ZNF500: variants seen among roughly 807,000 people sequenced by gnomAD.
ZNF500 encodes zinc finger protein with KRAB and SCAN domains 18.
Under a neutral mutation model 30.1 loss-of-function variants are expected in ZNF500, and 31 were observed. That is an observed-to-expected ratio of 1.03 (90% confidence interval 0.77 to 1.39). The LOEUF is 1.39. ZNF500 is among the 40% of genes most tolerant of loss of function. The pLI is 0.00. For synonymous variants in ZNF500, 392 were observed against 282.0 expected (o/e 1.39, Z -3.91); for missense variants, 817 against 657.8 (o/e 1.24, Z -2.65).
chr16:4,752,361 T>A lies in ZNF500; in HGVS notation c.*15A>T. 6.8e-7 allele frequency: 1 copy of A among 1,469,056 alleles called. No individual in the cohort carries two copies. The highest frequency in any genetic ancestry group is 9.0e-7 in the Non-Finnish European group (1 of 1,113,528). The allele number at this position is 1,469,056 out of a possible 1,614,324, so 91.0% of individuals were successfully genotyped here. ...AGGGATGAGAGTCCTGGAAAGGGAG[T>A]TTCAGGCCTGGTGATCAGGCTTTGG... On this transcript the variant is annotated 3_prime_UTR_variant, in exon 6 of 6. Transcript: ENST00000219478.
At chr16:4,761,815 C>T (rs896009270) in intron 4 of ZNF500, among the ~76,000 whole-genome samples, 14 of 152,086 alleles carry the variant, frequency 9.2e-5, no homozygotes, top group African/African-American at 3.4e-4. Flanking sequence ...TGTAATCACA[C>T]TACTGCACTC....
chr16:4,751,505 C>T lies in ZNF500; in HGVS notation c.*871G>A. On this transcript the variant is annotated 3_prime_UTR_variant, in exon 6 of 6. Transcript: ENST00000219478. Reference sequence around the variant, plus strand: ...AGCAGCTATGGATCTGCAAAGGGGACTGGAATGCTGCAGAGCCCCGGGCTC... The same window carrying T: ...AGCAGCTATGGATCTGCAAAGGGGATTGGAATGCTGCAGAGCCCCGGGCTC... 3 of 1,446,362 alleles carry T rather than the reference C, an allele frequency of 2.1e-6. No homozygotes were observed. Among genetic ancestry groups the T allele is most frequent in the Non-Finnish European group, 9.2e-7 (1 of 1,084,468 alleles). The allele number at this position is 1,446,362 out of a possible 1,614,324, so 89.6% of individuals were successfully genotyped here.
At chr16:4,759,443 C>T (rs1002255392) in intron 5 of ZNF500, among the ~76,000 whole-genome samples, 8 of 152,122 alleles carry the variant, frequency 5.3e-5, no homozygotes, top group Non-Finnish European at 5.9e-5. Flanking sequence ...TACACTTGTA[C>T]ACCCACGTTC....
downstream of ZNF500, chr16:4,747,097 G>C (rs1596488567): frequency 1.4e-6 from 2 of 1,409,192 alleles, no homozygotes; most frequent in Non-Finnish European, 1.9e-6. Flanking sequence ...CCTCCACCTG[G>C]CACATTTACC....
In ZNF500 at chr16:4,748,636, T is replaced by A. The variant is rs550172255; in HGVS notation, c.*3740A>T. 1 of 152,550 alleles carries A rather than the reference T, an allele frequency of 6.6e-6. No homozygotes were observed. The highest frequency in any genetic ancestry group is 2.1e-4 in the South Asian group (1 of 4,830). The allele number at this position is 152,550 out of a possible 1,614,324, so 9.4% of individuals were successfully genotyped here. On this transcript the variant is annotated 3_prime_UTR_variant, in exon 6 of 6. Coordinates refer to ENST00000219478, the MANE Select transcript of ZNF500 (RefSeq NM_021646.4). ...GTCCTGTTCCTTTGCCAGCACCGTC[T>A]TGCAGCCCCGTCTTCACGGGATGCT...
downstream of ZNF500, chr16:4,747,053 T>TGCAGA (rs2082026706): frequency 1.3e-6 from 2 of 1,502,804 alleles, no homozygotes; most frequent in Non-Finnish European, 1.8e-6. Context: ...TCTCGCCACC[T>TGCAGA]GCAGATGTCC....
rs750168425 is a variant in ZNF500, at chr16:4,752,527, T to C, written c.1292A>G (p.His431Arg). ...GCAGGTGTAGGGCTTCTCACCTGTG[T>C]GCGTCCGGCGGTGGGCGCTGAAGTG... The part of the protein sequence containing the change: ...SSHFSAHRRT[H>R]TGEKPYTCPA... The change falls in exon 6 of 6, where the codon CAC becomes CGC. Residue 431 changes from histidine (H) to arginine (R), a missense_variant. Physicochemically the swap from His to Arg is conservative, Grantham distance 29. Coordinates refer to ENST00000219478, the MANE Select transcript of ZNF500 (RefSeq NM_021646.4). The C allele has an allele frequency of 7.0e-6, 11 of 1,561,988 alleles. No homozygotes were observed. The Admixed American group carries it at 1.3e-4, about 19-fold the overall frequency.
At chr16:4,747,746 G>C, downstream of ZNF500, 1 of 1,313,128 alleles carries the variant, frequency 7.6e-7, no homozygotes. Context: ...CCAGAGGCAG[G>C]GACCCTCAGA....
intron 5 of ZNF500, among the ~76,000 whole-genome samples, chr16:4,754,576 A>G (rs1192560311): frequency 6.6e-6 from 1 of 151,814 alleles, no homozygotes; most frequent in Admixed American, 6.6e-5. Flanking sequence ...AGGCAGGAGA[A>G]TCGCTTGAAC....
chr16:4,751,353 G>A lies in ZNF500; in HGVS notation c.*1023C>T, dbSNP rs956240278. On this transcript the variant is annotated 3_prime_UTR_variant, in exon 6 of 6. Transcript: ENST00000219478. ...AAGGCCACATTCCAGACACTAAGGG[G>A]CCAGGAGCAAACGCAGCCCTGGGCC... 10 of 531,068 alleles carry A rather than the reference G, an allele frequency of 1.9e-5. No individual in the cohort carries two copies. Among genetic ancestry groups the A allele is most frequent in the African/African-American group, 1.7e-4 (9 of 51,654 alleles). The allele number at this position is 531,068 out of a possible 1,614,324, so 32.9% of individuals were successfully genotyped here. A position where few individuals can be genotyped will look rare whatever the true frequency, so the allele number is the denominator to read the frequency against.
At position 4,752,400 on chromosome 16, in the gene ZNF500, A is replaced by G. The variant is rs1449724107; in HGVS notation, c.1419T>C (p.Pro473=). The part of the protein sequence containing the change: ...GSLPTLQPVA[P]GGPGAKA ...ATCAGGCTTTGGCACCGGGGCCTCC[A>G]GGAGCCACCGGCTGGAGCGTCGGCA... The change falls in exon 6 of 6, where the codon CCT becomes CCC. Residue 473 remains proline, a synonymous_variant. Transcript: ENST00000219478. 1.3e-6 allele frequency: 2 copies of G among 1,518,274 alleles called. No homozygotes were observed. The highest frequency in any genetic ancestry group is 2.1e-5 in the Admixed American group (1 of 47,360). 94.1% of individuals were successfully genotyped at this position (1,518,274 alleles called of 1,614,324 possible). A position where few individuals can be genotyped will look rare whatever the true frequency, so the allele number is the denominator to read the frequency against.
In ZNF500 at chr16:4,752,048, C is replaced by T; in HGVS notation, c.*328G>A. On this transcript the variant is annotated 3_prime_UTR_variant, in exon 6 of 6. Transcript: ENST00000219478. ...TGGATGCTGGAGGCAGCTGATGGAC[C>T]CTCCCAGGCCCTTCAGGAGCCAGCC... 2 of 1,276,116 alleles carry T rather than the reference C, an allele frequency of 1.6e-6. No individual in the cohort carries two copies. The highest frequency in any genetic ancestry group is 2.0e-6 in the Non-Finnish European group (2 of 1,010,948). The allele number at this position is 1,276,116 out of a possible 1,614,324, so 79.0% of individuals were successfully genotyped here.
chr16:4,744,924 G>A, downstream of ZNF500: 1 of 1,613,896 alleles, frequency 6.2e-7, no homozygotes, highest in South Asian at 1.1e-5. Flanking sequence ...GCCCTCCTGT[G>A]CACCACGCAG....
At chr16:4,755,264 A>T (rs2082124464) in intron 5 of ZNF500, among the ~76,000 whole-genome samples, 2 of 152,112 alleles carry the variant, frequency 1.3e-5, no homozygotes, top group Non-Finnish European at 2.9e-5. Context: ...CAAAGTGCTG[A>T]GATATAGGCG....
chr16:4,751,721 G>C lies in ZNF500; in HGVS notation c.*655C>G, dbSNP rs1567516265. On this transcript the variant is annotated 3_prime_UTR_variant, in exon 6 of 6. Coordinates refer to ENST00000219478, the MANE Select transcript of ZNF500 (RefSeq NM_021646.4). The stretch of plus-strand genomic sequence containing the variant: ...TAAGATGAGGTCACAGTGTATTGGG[G>C]GACCCTAAACCCAGTGAGTGGTGGC... The C allele has an allele frequency of 5.0e-6, 7 of 1,406,656 alleles. No individual in the cohort carries two copies. The South Asian group carries it at 8.6e-5, about 17-fold the overall frequency. 87.1% of individuals were successfully genotyped at this position (1,406,656 alleles called of 1,614,324 possible). A position where few individuals can be genotyped will look rare whatever the true frequency, so the allele number is the denominator to read the frequency against.
rs1252549726 is a variant in ZNF500, at chr16:4,749,902, A to G, written c.*2474T>C. 3 of 152,290 alleles carry G rather than the reference A, an allele frequency of 2.0e-5. No individual in the cohort carries two copies. Among genetic ancestry groups the G allele is most frequent in the African/African-American group, 7.2e-5 (3 of 41,456 alleles). 9.4% of individuals were successfully genotyped at this position (152,290 alleles called of 1,614,324 possible). The stretch of plus-strand genomic sequence containing the variant: ...CAGCACACGCAGGCACCTGGGACTC[A>G]CAGCTCCTACAAAACTCTCCCATCA... On this transcript the variant is annotated 3_prime_UTR_variant, in exon 6 of 6. Coordinates refer to ENST00000219478, the MANE Select transcript of ZNF500 (RefSeq NM_021646.4).
intron 5 of ZNF500, among the ~76,000 whole-genome samples, chr16:4,755,256 A>C (rs2082124373): frequency 6.6e-6 from 1 of 152,148 alleles, no homozygotes; most frequent in African/African-American, 2.4e-5. Context: ...CAGCCTCCCA[A>C]AGTGCTGAGA....
rs1254569821 is a variant in ZNF500, at chr16:4,751,507, G to A, written c.*869C>T. ...CAGCTATGGATCTGCAAAGGGGACT[G>A]GAATGCTGCAGAGCCCCGGGCTCCA... is the stretch of plus-strand genomic sequence containing the variant. On this transcript the variant is annotated 3_prime_UTR_variant, in exon 6 of 6. Transcript: ENST00000219478. 14 of 1,451,876 alleles carry A rather than the reference G, an allele frequency of 9.6e-6. No individual in the cohort carries two copies. The highest frequency in any genetic ancestry group is 1.2e-5 in the Non-Finnish European group (13 of 1,088,054). 89.9% of individuals were successfully genotyped at this position (1,451,876 alleles called of 1,614,324 possible). A position where few individuals can be genotyped will look rare whatever the true frequency, so the allele number is the denominator to read the frequency against.
At position 4,752,470 on chromosome 16, in the gene ZNF500, G is replaced by A. The variant is rs1388535500; in HGVS notation, c.1349C>T (p.Thr450Ile). The change falls in exon 6 of 6, where the codon ACC (threonine) becomes ATC (isoleucine). Residue 450 changes from threonine (T) to isoleucine (I), a missense_variant. Thr to Ile is a moderately conservative substitution (Grantham distance 89). Coordinates refer to ENST00000219478, the MANE Select transcript of ZNF500 (RefSeq NM_021646.4). ...PACGRGFRRG[T>I]DLHKHQRTHM... Reference sequence around the variant, plus strand: ...GGTCCGCTGGTGCTTGTGCAGGTCGGTGCCCCGGCGGAAGCCCCGGCCACA... The same window carrying A: ...GGTCCGCTGGTGCTTGTGCAGGTCGATGCCCCGGCGGAAGCCCCGGCCACA... 1 of 1,544,538 alleles carries A rather than the reference G, an allele frequency of 6.5e-7. No individual in the cohort carries two copies.
Sources: gnomAD v4.1 joint callset for allele counts (sites outside exome capture counted in the v4.1 genomes callset) on GRCh38, gnomAD v4.1.1 for gene constraint, MANE v1.5 for transcripts, NCBI Gene and HGNC (gene_info 2026-07-23, HGNC 2026-07-21) for gene names.